The following SPPL3 variants were observed in gnomAD, a reference collection of about 807,000 sequenced individuals.
SPPL3 encodes signal peptide peptidase-like 3.
Under a neutral mutation model 42.4 loss-of-function variants are expected in SPPL3, and 5 were observed. That is an observed-to-expected ratio of 0.12 (90% confidence interval 0.06 to 0.25). The LOEUF is 0.25. Among genes scored for constraint, SPPL3 ranks in the 10% least tolerant of loss-of-function variants. The pLI is 1.00. For missense variants in SPPL3, 235 were observed against 489.0 expected (o/e 0.48, Z 4.90); for synonymous variants, 195 against 181.8 (o/e 1.07, Z -0.58).
intron 1 of SPPL3, among the ~76,000 whole-genome samples, chr12:120,822,559 T>C (rs1871105290): frequency 1.3e-5 from 2 of 152,136 alleles, no homozygotes; most frequent in African/African-American, 4.8e-5. Context: ...ACAAATTCTG[T>C]GGACAAGCAA....
intron 1 of SPPL3, among the ~76,000 whole-genome samples, chr12:120,878,701 C>G (rs1873186079): frequency 6.6e-6 from 1 of 152,128 alleles, no homozygotes; most frequent in East Asian, 1.9e-4. Flanking sequence ...AGAAGTATTG[C>G]TGGTCAAAAA....
intron 1 of SPPL3, among the ~76,000 whole-genome samples, chr12:120,900,937 A>T (rs1593018897): frequency 6.6e-6 from 1 of 151,696 alleles, no homozygotes; most frequent in Admixed American, 6.6e-5. Context: ...AAAAAAAAAA[A>T]AAAAAGTAAT....
At chr12:120,820,121 C>T (rs1369090558) in intron 1 of SPPL3, among the ~76,000 whole-genome samples, 1 of 152,194 alleles carries the variant, frequency 6.6e-6, no homozygotes, top group Non-Finnish European at 1.5e-5. Context: ...AAACTGCTAA[C>T]ACCTTCTCAC....
chr12:120,772,448 C>T (rs1869159113), intron 6 of SPPL3, among the ~76,000 whole-genome samples: 1 of 148,952 alleles, frequency 6.7e-6, no homozygotes, highest in African/African-American at 2.5e-5. Context: ...ACCACGTGCT[C>T]CTGGGAAACA....
intron 1 of SPPL3, among the ~76,000 whole-genome samples, chr12:120,839,809 T>C (rs1400256836): frequency 6.6e-6 from 1 of 151,942 alleles, no homozygotes; most frequent in African/African-American, 2.4e-5. Flanking sequence ...ATCCCACTCC[T>C]AGGTATAGTC....
At chr12:120,827,892 A>T (rs1305275692) in intron 1 of SPPL3, among the ~76,000 whole-genome samples, 1 of 151,844 alleles carries the variant, frequency 6.6e-6, no homozygotes, top group Non-Finnish European at 1.5e-5. Context: ...GGTTCAAGTG[A>T]TTCTCCTGCC....
intron 1 of SPPL3, among the ~76,000 whole-genome samples, chr12:120,856,813 A>G (rs1872475444): frequency 6.6e-6 from 1 of 152,110 alleles, no homozygotes; most frequent in South Asian, 2.1e-4. Flanking sequence ...AGCAAAGGGA[A>G]GCAACAGGGT....
chr12:120,788,163 C>T (rs1378261455), intron 3 of SPPL3, among the ~76,000 whole-genome samples: 1 of 152,190 alleles, frequency 6.6e-6, no homozygotes, highest in Non-Finnish European at 1.5e-5. Flanking sequence ...GCTGTGCATC[C>T]TCATCAGCAC....
intron 1 of SPPL3, among the ~76,000 whole-genome samples, chr12:120,840,114 AC>A (rs1871766017): frequency 6.6e-6 from 1 of 151,724 alleles, no homozygotes; most frequent in Admixed American, 6.6e-5. Flanking sequence ...CCCCGTCTCT[AC>A]TAAAAATACA....
intron 1 of SPPL3, among the ~76,000 whole-genome samples, chr12:120,829,106 G>A (rs1871315841): frequency 6.6e-6 from 1 of 152,098 alleles, no homozygotes; most frequent in Non-Finnish European, 1.5e-5. Context: ...ACAACTGGAT[G>A]TAAATATGCA....
At chr12:120,796,728 T>C (rs549179902) in intron 2 of SPPL3, among the ~76,000 whole-genome samples, 7 of 152,350 alleles carry the variant, frequency 4.6e-5, no homozygotes, top group African/African-American at 1.4e-4. Flanking sequence ...TTCTCTATCA[T>C]TGAGGCAAGA....
intron 6 of SPPL3, among the ~76,000 whole-genome samples, chr12:120,776,529 T>G (rs1869327003): frequency 6.7e-6 from 1 of 150,128 alleles, no homozygotes; most frequent in Non-Finnish European, 1.5e-5. Flanking sequence ...CTCTAAAGTG[T>G]ATGTTTCCAA....
intron 1 of SPPL3, among the ~76,000 whole-genome samples, chr12:120,842,734 T>C (rs1871873398): frequency 6.6e-6 from 1 of 152,018 alleles, no homozygotes; most frequent in African/African-American, 2.4e-5. Flanking sequence ...TGTGCCTTCA[T>C]CACTTAATCA....
intron 1 of SPPL3, among the ~76,000 whole-genome samples, chr12:120,831,834 C>T (rs959677494): frequency 6.6e-6 from 1 of 152,140 alleles, no homozygotes; most frequent in Non-Finnish European, 1.5e-5. Context: ...ACACCACTAC[C>T]ACCAAAGAAG....
chr12:120,861,430 A>C (rs538269118), intron 1 of SPPL3, among the ~76,000 whole-genome samples: 1 of 152,222 alleles, frequency 6.6e-6, no homozygotes, highest in Non-Finnish European at 1.5e-5. Context: ...TTGGCAATAA[A>C]TAACAGGAAG....
chr12:120,868,800 G>T (rs551767394), intron 1 of SPPL3, among the ~76,000 whole-genome samples: 23 of 152,092 alleles, frequency 1.5e-4, no homozygotes, highest in African/African-American at 5.3e-4. Context: ...TAATTTCTAA[G>T]GAAAATCAAT....
chr12:120,781,578 TTTTTTTTTTTTTTG>T (rs1382298327), intron 6 of SPPL3, among the ~76,000 whole-genome samples: 24 of 118,754 alleles, frequency 2.0e-4, no homozygotes, highest in East Asian at 1.5e-3. Flanking sequence ...TTTTTTTTTT[TTTTTTTTTTTTTTG>T]AGACGGAGTC....
chr12:120,811,119 A>C, intron 1 of SPPL3: 1 of 354,416 alleles, frequency 2.8e-6, no homozygotes, highest in Non-Finnish European at 5.1e-6. Flanking sequence ...CGGCATGTAA[A>C]ATGACATCAA....
At chr12:120,805,712 A>G (rs1359173118) in intron 2 of SPPL3, among the ~76,000 whole-genome samples, 1 of 152,238 alleles carries the variant, frequency 6.6e-6, no homozygotes, top group African/African-American at 2.4e-5. Flanking sequence ...AGTTCTATAT[A>G]CTTAGCAATG....
Sources: allele counts gnomAD v4.1 joint callset (sites outside exome capture counted in the v4.1 genomes callset), GRCh38; gene constraint gnomAD v4.1.1; transcripts MANE v1.5; gene names NCBI Gene and HGNC (gene_info 2026-07-23, HGNC 2026-07-21).